Variants in PVT1 observed in about 807,000 individuals in gnomAD.
PVT1 encodes Pvt1 oncogene.
intron 4 of PVT1, among the ~76,000 whole-genome samples, chr8:128,057,975 G>C (rs769174249): frequency 6.6e-6 from 1 of 152,196 alleles, no homozygotes; most frequent in African/African-American, 2.4e-5. Context: ...GATTGTGTGA[G>C]GGTGTAAGCC....
chr8:128,055,535 C>A lies in PVT1; in HGVS notation n.913-14625C>A, dbSNP rs1813752755. Among the ~76,000 whole-genome samples, 8 of 152,228 alleles carry A rather than the reference C, an allele frequency of 5.3e-5. 1 individual carries two copies. Among genetic ancestry groups the A allele is most frequent in the Admixed American group, 5.2e-4 (8 of 15,284 alleles). The stretch of plus-strand genomic sequence containing the variant: ...TTATTCTAAAATTTATACTTTACTG[C>A]AAGCCATGTAGCTGCATGAATCAGT... On this transcript the variant is annotated intron_variant and non_coding_transcript_variant, in intron 4 of 10. Coordinates refer to ENST00000651587, the Ensembl canonical transcript of PVT1.
chr8:127,986,563 A>C (rs116418780), intron 3 of PVT1, among the ~76,000 whole-genome samples: 6,505 of 152,214 alleles, frequency 0.043, 271 homozygotes, highest in African/African-American at 0.1. Flanking sequence ...AGCACCTCCC[A>C]TCAGACCTTC....
chr8:127,974,574 G>T (rs951034811), intron 3 of PVT1, among the ~76,000 whole-genome samples: 1 of 150,710 alleles, frequency 6.6e-6, no homozygotes, highest in Non-Finnish European at 1.5e-5. Context: ...ACTGCTACAC[G>T]GCTCTAACTT....
chr8:127,947,492 C>T, intron 3 of PVT1: 1 of 347,362 alleles, frequency 2.9e-6, no homozygotes, highest in Non-Finnish European at 5.7e-6. Context: ...CTCTGCCCAT[C>T]CCAATGCCAG....
intron 2 of PVT1, among the ~76,000 whole-genome samples, chr8:127,825,852 T>C (rs1193557404): frequency 6.6e-6 from 1 of 151,876 alleles, no homozygotes; most frequent in Non-Finnish European, 1.5e-5. Context: ...TATTTATTTA[T>C]TATTTATTTA....
chr8:127,959,166 G>A (rs1816606890), intron 3 of PVT1, among the ~76,000 whole-genome samples: 1 of 152,158 alleles, frequency 6.6e-6, no homozygotes, highest in Admixed American at 6.5e-5. Context: ...ATTTTACCAA[G>A]CGAACTGATG....
intron 3 of PVT1, among the ~76,000 whole-genome samples, chr8:127,971,741 G>T (rs960109408): frequency 1.3e-5 from 2 of 152,178 alleles, no homozygotes. Context: ...AACCCCAAAT[G>T]CCCACTGTGA....
At chr8:127,954,364 G>A (rs560178993) in intron 3 of PVT1, among the ~76,000 whole-genome samples, 2 of 142,848 alleles carry the variant, frequency 1.4e-5, no homozygotes, top group African/African-American at 5.2e-5. Flanking sequence ...GCGCCATCTC[G>A]GTTCACTGCA....
intron 4 of PVT1, among the ~76,000 whole-genome samples, chr8:128,031,103 G>A (rs1307283652): frequency 1.3e-5 from 2 of 152,218 alleles, no homozygotes; most frequent in Non-Finnish European, 2.9e-5. Context: ...CACTGGGGTC[G>A]GCGCACCTGG....
intron 2 of PVT1, among the ~76,000 whole-genome samples, chr8:127,862,911 C>T (rs932210335): frequency 2.6e-5 from 4 of 152,112 alleles, no homozygotes; most frequent in South Asian, 2.1e-4. Flanking sequence ...ATGGTGGAAC[C>T]GGGGTGCCCC....
chr8:128,038,322 A>G (rs935079592), intron 4 of PVT1, among the ~76,000 whole-genome samples: 3 of 152,138 alleles, frequency 2.0e-5, no homozygotes, highest in African/African-American at 7.2e-5. Flanking sequence ...TTTTAGCATG[A>G]GCAGTGTCAT....
chr8:127,844,205 T>C (rs116009369), intron 2 of PVT1, among the ~76,000 whole-genome samples: 6,624 of 152,156 alleles, frequency 0.044, 516 homozygotes, highest in African/African-American at 0.15. Context: ...AGGATGGTCT[T>C]GATCTCCTGG....
chr8:128,064,541 C>G (rs1813877884), intron 4 of PVT1, among the ~76,000 whole-genome samples: 1 of 152,210 alleles, frequency 6.6e-6, no homozygotes. Flanking sequence ...AATGGAGATT[C>G]CTGGGTTCCC....
intron 2 of PVT1, among the ~76,000 whole-genome samples, chr8:127,816,867 C>A (rs1421570363): frequency 2.6e-5 from 4 of 152,178 alleles, no homozygotes; most frequent in Non-Finnish European, 5.9e-5. Flanking sequence ...GCTTCCTTTG[C>A]CGCTCTGCAT....
chr8:127,898,380 T>C lies in PVT1; in HGVS notation n.782+7382T>C, dbSNP rs1033021106. On this transcript the variant is annotated intron_variant and non_coding_transcript_variant, in intron 3 of 10. Transcript: ENST00000651587. The surrounding 1 kb of genome is among the most constrained non-coding windows in gnomAD (Gnocchi z 4.4). ...ATTACTATCCTTTGGACCTGAGTGGTGTTTTCAGTTAAAATGAGTGGAGTA... is the reference window on the plus strand; with the variant it reads ...ATTACTATCCTTTGGACCTGAGTGGCGTTTTCAGTTAAAATGAGTGGAGTA... Among the ~76,000 whole-genome samples the C allele has an allele frequency of 2.6e-5, 4 of 152,160 alleles. No homozygotes were observed. The highest frequency in any genetic ancestry group is 9.7e-5 in the African/African-American group (4 of 41,438).
chr8:127,949,772 TGA>T (rs1416024838), intron 3 of PVT1, among the ~76,000 whole-genome samples: 2 of 151,942 alleles, frequency 1.3e-5, no homozygotes, highest in African/African-American at 4.8e-5. Context: ...GGTTGATGGG[TGA>T]GTGTCAGGCC....
intron 3 of PVT1, among the ~76,000 whole-genome samples, chr8:127,964,284 A>C (rs1217958995): frequency 6.6e-6 from 1 of 152,242 alleles, no homozygotes; most frequent in African/African-American, 2.4e-5. Context: ...GTGGGAGGCC[A>C]TTAGCTCACT....
At chr8:128,093,719 C>G (rs1171378835) in intron 5 of PVT1, among the ~76,000 whole-genome samples, 2 of 151,848 alleles carry the variant, frequency 1.3e-5, no homozygotes, top group Admixed American at 1.3e-4. Context: ...CTCACTGCAA[C>G]CTCCGCCTCC....
At position 128,100,137 on chromosome 8, in the gene PVT1, CCCTT is replaced by C. The variant is rs796473962; in HGVS notation, n.1251+3505_1251+3508del. On this transcript the variant is annotated intron_variant and non_coding_transcript_variant, in intron 6 of 10. Coordinates refer to ENST00000651587, the Ensembl canonical transcript of PVT1. ...AACCTTCCTCCCTCCATCCCTCCCT[CCCTT>C]CCTTCCTTCCTTCCTTCCTTCTTTC... Among the ~76,000 whole-genome samples, 400 of 144,762 alleles carry C rather than the reference CCCTT, an allele frequency of 2.8e-3. 4 individuals carry two copies. Among genetic ancestry groups the C allele is most frequent in the African/African-American group, 7.7e-3 (297 of 38,722 alleles). 95.0% of individuals were successfully genotyped at this position (144,762 alleles called of 152,430 possible). A position where few individuals can be genotyped will look rare whatever the true frequency, so the allele number is the denominator to read the frequency against.
Sources: gnomAD v4.1 joint callset for allele counts (sites outside exome capture counted in the v4.1 genomes callset) on GRCh38, gnomAD v4.1.1 for gene constraint, Gnocchi (gnomAD v3.1) non-coding constraint, MANE v1.5 for transcripts, NCBI Gene and HGNC (gene_info 2026-07-23, HGNC 2026-07-21) for gene names.